Variants in EPS15L1 observed in about 807,000 individuals in gnomAD.
EPS15L1 encodes the protein epidermal growth factor receptor pathway substrate 15 like 1, also known as epidermal growth factor receptor substrate 15-like 1.
In EPS15L1, 43 loss-of-function variants were observed where a neutral mutation model predicts 117.1. That is an observed-to-expected ratio of 0.37 (90% CI 0.29 to 0.47). The LOEUF is 0.47. Ranked by LOEUF, EPS15L1 falls within the 20% of genes least tolerant of loss-of-function variation. EPS15L1 has a pLI of 0.99. For missense variants in EPS15L1, 981 were observed against 1,164.0 expected (o/e 0.84, Z 2.29); for synonymous variants, 459 against 470.5 (o/e 0.98, Z 0.32).
At chr19:16,393,110 AATAATAATAATAAT>A (rs2092497118) in intron 18 of EPS15L1, among the ~76,000 whole-genome samples, 8 of 146,162 alleles carry the variant, frequency 5.5e-5, no homozygotes, top group Admixed American at 4.1e-4. Context: ...TAATAATAAT[AATAATAATAATAAT>A]AAACAACGCA....
chr19:16,362,314 T>C (rs776510427), intron 22 of EPS15L1, among the ~76,000 whole-genome samples: 38 of 151,788 alleles, frequency 2.5e-4, no homozygotes, highest in African/African-American at 9.2e-4. Flanking sequence ...GCAACACATT[T>C]ATTAACATAC....
intron 20 of EPS15L1, among the ~76,000 whole-genome samples, chr19:16,385,909 C>T (rs1214005454): frequency 6.6e-6 from 1 of 152,218 alleles, no homozygotes; most frequent in Non-Finnish European, 1.5e-5. Context: ...AGTGAGTAAA[C>T]AGTAGTTAAT....
At position 16,404,880 on chromosome 19, in the gene EPS15L1, A is replaced by G; in HGVS notation, c.1267-131T>C. 1.0e-6 allele frequency: 1 copy of G among 985,214 alleles called. No individual in the cohort carries two copies. The highest frequency in any genetic ancestry group is 1.5e-6 in the Non-Finnish European group (1 of 655,542). 61.0% of individuals were successfully genotyped at this position (985,214 alleles called of 1,614,324 possible). A position where few individuals can be genotyped will look rare whatever the true frequency, so the allele number is the denominator to read the frequency against. On this transcript the variant is annotated intron_variant, in intron 13 of 23. Coordinates refer to ENST00000455140, the MANE Select transcript of EPS15L1 (RefSeq NM_001258374.3). This position sits in a 1 kb window ranked among gnomAD's most constrained non-coding sequence, Gnocchi z 4.2. ...ACCCACTGTGACCGTGCTCAGGGCCAGCATTCCGTGCACACCCACGGCCAA... is the reference window on the plus strand; with the variant it reads ...ACCCACTGTGACCGTGCTCAGGGCCGGCATTCCGTGCACACCCACGGCCAA...
Position 16,442,222 on chromosome 19 carries a change from G to A in EPS15L1, c.34-3C>T, listed in dbSNP as rs2093038986. 6.2e-7 allele frequency: 1 copy of A among 1,613,186 alleles called. No homozygotes were observed. The highest frequency in any genetic ancestry group is 1.3e-5 in the African/African-American group (1 of 75,032). ...TACAACGAATTTCCAGTGGGAATCT[G>A]TAAATGAAACCACAGATATTGGTCA... On this transcript the variant is annotated splice_polypyrimidine_tract_variant and splice_region_variant and intron_variant, in intron 1 of 23. Coordinates refer to ENST00000455140, the MANE Select transcript of EPS15L1 (RefSeq NM_001258374.3).
At chr19:16,413,731 T>C in intron 13 of EPS15L1, 42 bp downstream of exon 13, 1 of 1,550,674 alleles carries the variant, frequency 6.4e-7, no homozygotes, top group Non-Finnish European at 8.9e-7. Flanking sequence ...TGAACTACAT[T>C]TAGCACAAAG....
intron 3 of EPS15L1, chr19:16,441,629 CAAA>C (rs369757727): frequency 9.4e-3 from 814 of 86,836 alleles, no homozygotes; most frequent in East Asian, 0.019. Context: ...AACTCTGTCT[CAAA>C]AAAAAAAAAA....
chr19:16,392,333 A>C lies in EPS15L1; in HGVS notation c.2074T>G (p.Phe692Val), dbSNP rs773705155. 9 of 1,614,066 alleles carry C rather than the reference A, an allele frequency of 5.6e-6. No homozygotes were observed. In the Admixed American group the frequency reaches 8.3e-5, roughly 15 times the overall value. ...GAAGGTAAGGAAGGGTTTTTCGTGA[A>C]TGGATCCGAGGTAAATGGGTCATTC... ...TKNDPFTSDP[F>V]TKNPSLPSKL... Residue 692 changes from phenylalanine to valine, a missense_variant, in exon 19 of 24, where the codon TTC becomes GTC. By Grantham distance (50) the Phe-to-Val change is conservative (BLOSUM62 -1). Around this residue, in one of 5 missense-constraint regions of EPS15L1, gnomAD observed 819 missense variants for 949.0 expected, o/e 0.86. Transcript: ENST00000455140.
Position 16,471,817 on chromosome 19 carries a change from G to C in EPS15L1, c.33+96C>G. The C allele has an allele frequency of 6.7e-6, 2 of 297,054 alleles. No homozygotes were observed. Among genetic ancestry groups the C allele is most frequent in the East Asian group, 9.7e-5 (1 of 10,260 alleles). The allele number at this position is 297,054 out of a possible 1,614,324, so 18.4% of individuals were successfully genotyped here. A position where few individuals can be genotyped will look rare whatever the true frequency, so the allele number is the denominator to read the frequency against. ...CCCTTCAGCACGCGCCGCCCCCGCC[G>C]CCGCCTGGCTGAGTCTCCCAGCGCC... On this transcript the variant is annotated intron_variant, in intron 1 of 23. Transcript: ENST00000455140. This position sits in a 1 kb window ranked among gnomAD's most constrained non-coding sequence, Gnocchi z 4.8.
At chr19:16,387,123 T>G (rs1326046923) in intron 19 of EPS15L1, among the ~76,000 whole-genome samples, 1 of 152,162 alleles carries the variant, frequency 6.6e-6, no homozygotes, top group Non-Finnish European at 1.5e-5. Flanking sequence ...ACACTTAAAA[T>G]GAGTGAAAAC....
intron 3 of EPS15L1, chr19:16,441,629 C>CAA (rs369757727): frequency 0.03 from 2,585 of 86,344 alleles, 60 homozygotes; most frequent in Admixed American, 0.11. Context: ...AACTCTGTCT[C>CAA]AAAAAAAAAA....
At chr19:16,429,377 C>T (rs1201872809) in intron 7 of EPS15L1, among the ~76,000 whole-genome samples, 1 of 152,220 alleles carries the variant, frequency 6.6e-6, no homozygotes, top group Non-Finnish European at 1.5e-5. Flanking sequence ...GATGGGCACA[C>T]TGCCTGCCAG....
chr19:16,381,878 A>G lies in EPS15L1; in HGVS notation c.2247+3251T>C, dbSNP rs1960227749. On this transcript the variant is annotated intron_variant, in intron 21 of 23. Coordinates refer to ENST00000455140, the MANE Select transcript of EPS15L1 (RefSeq NM_001258374.3). The surrounding 1 kb of genome is among the most constrained non-coding windows in gnomAD (Gnocchi z 4.2). The stretch of plus-strand genomic sequence containing the variant: ...GGGGAGCCAAGCAGGTCTAGATGGG[A>G]AGTGGTGTGACCGGCTGGGCCTTGT... Among the ~76,000 whole-genome samples the G allele has an allele frequency of 2.0e-5, 3 of 152,158 alleles. No homozygotes were observed. Among genetic ancestry groups the G allele is most frequent in the African/African-American group, 7.2e-5 (3 of 41,430 alleles).
intron 1 of EPS15L1, among the ~76,000 whole-genome samples, chr19:16,461,161 G>A (rs10424196): frequency 0.11 from 16,012 of 151,774 alleles, 895 homozygotes; most frequent in Non-Finnish European, 0.11. Flanking sequence ...AAAATTAGCC[G>A]GGCGTGGTGG....
chr19:16,403,205 C>T (rs1025892692), intron 15 of EPS15L1, among the ~76,000 whole-genome samples: 3 of 152,100 alleles, frequency 2.0e-5, no homozygotes, highest in African/African-American at 7.2e-5. Context: ...GGAAGGGCAA[C>T]GGCTGCAGGC....
At chr19:16,413,876 A>G in intron 12 of EPS15L1, 31 bp from the exon 13 acceptor site, 2 of 1,555,062 alleles carry the variant, frequency 1.3e-6, no homozygotes, top group Non-Finnish European at 8.9e-7. Flanking sequence ...CATGAAAACA[A>G]GAGTGAATAA....
chr19:16,407,484 G>C (rs1196278150), intron 13 of EPS15L1, among the ~76,000 whole-genome samples: 1 of 151,546 alleles, frequency 6.6e-6, no homozygotes, highest in Non-Finnish European at 1.5e-5. Context: ...TGATTTTTTT[G>C]TTTCTGTGTT....
At chr19:16,437,943 T>A in intron 4 of EPS15L1, 78 bp from the exon 5 acceptor site, 2 of 1,116,866 alleles carry the variant, frequency 1.8e-6, no homozygotes, top group East Asian at 5.0e-5. Context: ...AACAGCAGGC[T>A]TCAGGGAAAG....
At chr19:16,445,465 GAAGA>G (rs2093074113) in intron 1 of EPS15L1, among the ~76,000 whole-genome samples, 1 of 152,216 alleles carries the variant, frequency 6.6e-6, no homozygotes, top group Admixed American at 6.5e-5. Context: ...GCAGAAGGGG[GAAGA>G]AAGAAGGTAC....
intron 18 of EPS15L1, among the ~76,000 whole-genome samples, chr19:16,392,800 TCC>T (rs2092492006): frequency 6.6e-6 from 1 of 152,116 alleles, no homozygotes; most frequent in Admixed American, 6.5e-5. Flanking sequence ...ATGCCTGTAA[TCC>T]CATCACTTTA....
Sources: gnomAD v4.1 joint callset for allele counts (sites outside exome capture counted in the v4.1 genomes callset) on GRCh38, gnomAD v4.1.1 for gene constraint, gnomAD v4.1.1 regional missense constraint, Gnocchi (gnomAD v3.1) non-coding constraint, MANE v1.5 for transcripts, NCBI Gene and HGNC (gene_info 2026-07-23, HGNC 2026-07-21) for gene names.